Variants in TRAPPC9 observed in about 807,000 individuals in gnomAD.
TRAPPC9 encodes the protein IKK2 binding protein.
TRAPPC9 carries 83 observed loss-of-function variants against 124.0 expected under a neutral mutation model. The observed-to-expected ratio is 0.67, with a 90% CI of 0.56 to 0.80. TRAPPC9 has a LOEUF of 0.80. Ranked by LOEUF, TRAPPC9 falls within the 30% of genes least tolerant of loss-of-function variation. TRAPPC9 has a pLI of 0.00. For missense variants in TRAPPC9, 1,302 were observed against 1,508.3 expected, an observed-to-expected ratio of 0.86 and a Z score of 2.27; for synonymous variants, 638 against 617.5, an observed-to-expected ratio of 1.03 and a Z score of -0.49.
intron 17 of TRAPPC9, among the ~76,000 whole-genome samples, chr8:140,125,695 T>C (rs887838817): frequency 3.4e-5 from 5 of 147,644 alleles, no homozygotes; most frequent in Non-Finnish European, 7.4e-5. Flanking sequence ...CCCGGGTTCA[T>C]GCCATTCTCC....
intron 21 of TRAPPC9, among the ~76,000 whole-genome samples, chr8:139,884,577 C>G (rs1268775111): frequency 1.3e-5 from 2 of 152,234 alleles, no homozygotes; most frequent in Admixed American, 1.3e-4. Context: ...GGCCTGACCC[C>G]ATCTCACGGC....
intron 17 of TRAPPC9, among the ~76,000 whole-genome samples, chr8:140,074,995 A>C (rs1313748563): frequency 6.6e-6 from 1 of 152,098 alleles, no homozygotes; most frequent in African/African-American, 2.4e-5. Flanking sequence ...AAGAGACATC[A>C]CTTGCCCAAT....
chr8:140,131,601 C>T (rs2061210341), intron 17 of TRAPPC9, among the ~76,000 whole-genome samples: 2 of 152,210 alleles, frequency 1.3e-5, no homozygotes, highest in Admixed American at 6.5e-5. Context: ...TTCTCCTAGA[C>T]GGCCCCGTCC....
In TRAPPC9 at chr8:139,988,844, A is replaced by AT. The variant is rs1563669202; in HGVS notation, c.2700-9_2700-8insA. On this transcript the variant is annotated splice_polypyrimidine_tract_variant and intron_variant, in intron 18 of 22. Transcript: ENST00000438773. The stretch of plus-strand genomic sequence containing the variant: ...AGGTGACACTGCCGGGTACTGCGTT[A>AT]AAGAAAAAAGAAAGTTCAGAATCCT... 2 of 1,528,930 alleles carry AT rather than the reference A, an allele frequency of 1.3e-6. No homozygotes were observed. The highest frequency in any genetic ancestry group is 4.9e-5 in the East Asian group (2 of 40,774). 94.7% of individuals were successfully genotyped at this position (1,528,930 alleles called of 1,614,324 possible).
chr8:140,397,767 C>T (rs2069138801), intron 6 of TRAPPC9, 22 bp from the exon 7 acceptor site: 4 of 1,613,490 alleles, frequency 2.5e-6, no homozygotes, highest in Admixed American at 1.7e-5. Context: ...AAAGGAAATG[C>T]CTCAGTCAAA....
At chr8:140,364,386 G>A (rs1244620413) in intron 8 of TRAPPC9, among the ~76,000 whole-genome samples, 2 of 151,478 alleles carry the variant, frequency 1.3e-5, no homozygotes, top group African/African-American at 4.9e-5. Context: ...ATTCACAAGT[G>A]CACATAGAAA....
chr8:139,881,748 A>C (rs572246566), intron 21 of TRAPPC9, among the ~76,000 whole-genome samples: 2 of 150,704 alleles, frequency 1.3e-5, no homozygotes, highest in African/African-American at 4.9e-5. Flanking sequence ...GAGACCTTAA[A>C]ACCACCTTCT....
intron 21 of TRAPPC9, among the ~76,000 whole-genome samples, chr8:139,758,247 G>T (rs1488166090): frequency 6.6e-6 from 1 of 152,224 alleles, no homozygotes; most frequent in Non-Finnish European, 1.5e-5. Flanking sequence ...CCAGGCTTAT[G>T]TGGGGTGGGG....
At chr8:140,045,650 A>AAAC (rs1554614219) in intron 17 of TRAPPC9, among the ~76,000 whole-genome samples, 7,316 of 111,622 alleles carry the variant, frequency 0.066, 869 homozygotes, top group Admixed American at 0.095. Context: ...AAAAAAAAAA[A>AAAC]AAAAAAAAAC....
At chr8:140,327,770 A>T (rs780034694) in intron 9 of TRAPPC9, among the ~76,000 whole-genome samples, 2 of 152,188 alleles carry the variant, frequency 1.3e-5, no homozygotes, top group Non-Finnish European at 2.9e-5. Context: ...TGAGAATGAG[A>T]ATTATTGTGT....
chr8:140,169,183 GATA>G (rs1465903586), intron 17 of TRAPPC9, among the ~76,000 whole-genome samples: 4 of 152,088 alleles, frequency 2.6e-5, no homozygotes, highest in African/African-American at 9.7e-5. Flanking sequence ...AGTGAACATA[GATA>G]ATATTTGAAA....
chr8:139,933,558 A>C (rs1358487883), intron 19 of TRAPPC9: 4 of 152,330 alleles, frequency 2.6e-5, no homozygotes, highest in Non-Finnish European at 5.9e-5. Flanking sequence ...CCTCCCGCCC[A>C]CCGCGGCCGC....
At chr8:140,179,170 C>G (rs1396866199) in intron 17 of TRAPPC9, among the ~76,000 whole-genome samples, 3 of 152,242 alleles carry the variant, frequency 2.0e-5, no homozygotes, top group South Asian at 4.1e-4. Context: ...GAACATAGCT[C>G]ATGAATTGAA....
At chr8:139,994,636 T>C (rs1018413991) in intron 18 of TRAPPC9, among the ~76,000 whole-genome samples, 14 of 152,190 alleles carry the variant, frequency 9.2e-5, no homozygotes, top group African/African-American at 3.4e-4. Context: ...GACACAACTA[T>C]TTCTTAAAAA....
At chr8:139,757,156 G>A (rs566074680) in intron 21 of TRAPPC9, among the ~76,000 whole-genome samples, 3 of 129,528 alleles carry the variant, frequency 2.3e-5, no homozygotes, top group Non-Finnish European at 3.2e-5. Context: ...ACAGCAGGTC[G>A]CAGGAGGAGC....
At chr8:140,273,737 C>T (rs893761842) in intron 15 of TRAPPC9, among the ~76,000 whole-genome samples, 4 of 147,768 alleles carry the variant, frequency 2.7e-5, no homozygotes, top group Non-Finnish European at 4.4e-5. Context: ...TTCCTTAGTC[C>T]TCCCAGAGTC....
chr8:139,903,319 G>C (rs536720150), intron 20 of TRAPPC9, among the ~76,000 whole-genome samples: 129 of 152,288 alleles, frequency 8.5e-4, no homozygotes, highest in African/African-American at 3.0e-3. Context: ...TGCTCCTCCA[G>C]ACAGAATGGA....
rs142390632 is a variant in TRAPPC9, at chr8:140,371,082, G to A, written c.1233C>T (p.Ala411=). The change falls in exon 8 of 23, where the codon GCC becomes GCT. Residue 411 remains alanine, a synonymous_variant. Transcript: ENST00000438773. ...TGCTTGGGGCCACGCACTGCATGGC[G>A]GCCACGCGCTTGAAGAACGCAGACT... ...HRKSAFFKRV[A]AMQCVAPSIA... The A allele has an allele frequency of 1.2e-4, 196 of 1,614,226 alleles. 1 individual carries two copies. The African/African-American group carries it at 1.9e-3, about 16-fold the overall frequency.
chr8:139,795,294 C>T (rs779969895), intron 21 of TRAPPC9, among the ~76,000 whole-genome samples: 28 of 151,980 alleles, frequency 1.8e-4, no homozygotes, highest in African/African-American at 6.8e-4. Flanking sequence ...AGCGCACTGC[C>T]GAGAAGTCAG....
Sources: allele counts gnomAD v4.1 joint callset (sites outside exome capture counted in the v4.1 genomes callset), GRCh38; gene constraint gnomAD v4.1.1; transcripts MANE v1.5; gene names NCBI Gene and HGNC (gene_info 2026-07-23, HGNC 2026-07-21).